SS18L1: variants seen among roughly 807,000 people sequenced by gnomAD.
The protein encoded by SS18L1 is calcium-responsive transactivator.
Under a neutral mutation model 70.3 loss-of-function variants are expected in SS18L1, and 32 were observed. The ratio of observed to expected loss-of-function variants is 0.46; its 90% CI spans 0.34 to 0.61. The LOEUF (loss-of-function observed/expected upper bound fraction) is 0.61. Ranked by LOEUF, SS18L1 falls within the 20% of genes least tolerant of loss-of-function variation. The pLI is 0.01. For missense variants in SS18L1, 430 were observed against 542.1 expected, an observed-to-expected ratio of 0.79 and a Z score of 2.05; for synonymous variants, 237 against 229.7, an observed-to-expected ratio of 1.03 and a Z score of -0.29.
chr20:62,155,893 G>T (rs2057213035), intron 1 of SS18L1, among the ~76,000 whole-genome samples: 1 of 151,944 alleles, frequency 6.6e-6, no homozygotes, highest in Non-Finnish European at 1.5e-5. Context: ...GGCCACACCT[G>T]TTCCATCCTT....
At chr20:62,150,568 C>G (rs2057108521) in intron 1 of SS18L1, among the ~76,000 whole-genome samples, 1 of 146,240 alleles carries the variant, frequency 6.8e-6, no homozygotes, top group Non-Finnish European at 1.5e-5. Flanking sequence ...TCTGTCCAAG[C>G]AGACAGAGTA....
chr20:62,155,711 C>T (rs142440302), intron 1 of SS18L1, among the ~76,000 whole-genome samples: 47 of 152,324 alleles, frequency 3.1e-4, no homozygotes, highest in African/African-American at 1.1e-3. Flanking sequence ...CTGGGCGACC[C>T]TGAAAGGTGC....
chr20:62,150,909 G>A (rs1015482063), intron 1 of SS18L1, among the ~76,000 whole-genome samples: 4 of 152,086 alleles, frequency 2.6e-5, no homozygotes, highest in African/African-American at 9.7e-5. Flanking sequence ...TTCCAGAATC[G>A]GCAGAGCTGG....
At chr20:62,172,515 A>C (rs199870381) in intron 8 of SS18L1, among the ~76,000 whole-genome samples, 167 bp from the exon 9 acceptor site, 1 of 152,192 alleles carries the variant, frequency 6.6e-6, no homozygotes, top group East Asian at 1.9e-4. Context: ...GTATTTCTAT[A>C]AGATAAAGGT....
intron 1 of SS18L1, among the ~76,000 whole-genome samples, chr20:62,146,682 C>G (rs6142715): frequency 0.66 from 96,393 of 146,878 alleles, 35,115 homozygotes; most frequent in Non-Finnish European, 0.81. Flanking sequence ...CGATCTCGGG[C>G]TCACAACCTC....
intron 1 of SS18L1, among the ~76,000 whole-genome samples, chr20:62,147,709 C>T (rs1440234173): frequency 6.6e-6 from 1 of 152,102 alleles, no homozygotes; most frequent in Non-Finnish European, 1.5e-5. Context: ...AGGTGGGCCC[C>T]TGGGGCCGCC....
chr20:62,169,885 G>A (rs1309686830), intron 8 of SS18L1, among the ~76,000 whole-genome samples: 2 of 152,208 alleles, frequency 1.3e-5, no homozygotes, highest in African/African-American at 4.8e-5. Context: ...CGCGGCTGGC[G>A]TGTCGTGTGC....
At chr20:62,166,185 G>A (rs746476459) in intron 8 of SS18L1, among the ~76,000 whole-genome samples, 15 of 152,226 alleles carry the variant, frequency 9.9e-5, no homozygotes, top group Non-Finnish European at 2.1e-4. Flanking sequence ...GATAAAGATG[G>A]CCCCCAGAGA....
intron 1 of SS18L1, among the ~76,000 whole-genome samples, chr20:62,150,179 A>G (rs2057101738): frequency 6.6e-6 from 1 of 152,244 alleles, no homozygotes; most frequent in Admixed American, 6.5e-5. Flanking sequence ...CTCTTCTGAA[A>G]CCTACACACC....
chr20:62,181,316 T>C lies in SS18L1; in HGVS notation c.*2108T>C, dbSNP rs533997270. 61 of 209,588 alleles carry C rather than the reference T, an allele frequency of 2.9e-4. 1 individual carries two copies. The South Asian group carries it at 0.011, about 39-fold the overall frequency. The allele number at this position is 209,588 out of a possible 1,614,324, so 13.0% of individuals were successfully genotyped here. ...GTTAGCAATTTCAGTTAGGGAGTCA[T>C]CTCCCTTGATTGTGTTCTTTTCCTG... On this transcript the variant is annotated 3_prime_UTR_variant, in exon 11 of 11. Transcript: ENST00000331758.
At chr20:62,150,972 A>G (rs915944339) in intron 1 of SS18L1, among the ~76,000 whole-genome samples, 1 of 152,066 alleles carries the variant, frequency 6.6e-6, no homozygotes, top group Non-Finnish European at 1.5e-5. Context: ...AAAGGTTCCA[A>G]AAGTCTTTGT....
chr20:62,179,730 G>GGGGGGGGGGGGGGGGGGGCCCCCCC lies in SS18L1; in HGVS notation c.*522_*523insGGGGGGGGGGGGGGGGGGCCCCCCC. The stretch of plus-strand genomic sequence containing the variant: ...GTGCCTCGATGGGGTGGGTGGGAGG[G>GGGGGGGGGGGGGGGGGGGCCCCCCC]CATCTTCTGTGCGTTGGGTCAGTTT... On this transcript the variant is annotated 3_prime_UTR_variant, in exon 11 of 11. Coordinates refer to ENST00000331758, the MANE Select transcript of SS18L1 (RefSeq NM_198935.3). The GGGGGGGGGGGGGGGGGGGCCCCCCC allele has an allele frequency of 4.1e-5, 4 of 96,716 alleles. No individual in the cohort carries two copies. Among genetic ancestry groups the GGGGGGGGGGGGGGGGGGGCCCCCCC allele is most frequent in the Non-Finnish European group, 8.2e-5 (4 of 48,824 alleles). The allele number at this position is 96,716 out of a possible 1,614,324, so 6.0% of individuals were successfully genotyped here. A position where few individuals can be genotyped will look rare whatever the true frequency, so the allele number is the denominator to read the frequency against.
intron 8 of SS18L1, among the ~76,000 whole-genome samples, 187 bp downstream of exon 8, chr20:62,165,701 G>T (rs910270988): frequency 1.3e-5 from 2 of 152,212 alleles, no homozygotes; most frequent in South Asian, 4.1e-4. Context: ...AGCCCCGCTT[G>T]CCTTATGGGT....
At chr20:62,148,126 G>C (rs2427249) in intron 1 of SS18L1, among the ~76,000 whole-genome samples, 1 of 152,184 alleles carries the variant, frequency 6.6e-6, no homozygotes, top group African/African-American at 2.4e-5. Context: ...GAGCATGGGG[G>C]CCTGTCTTTA....
chr20:62,152,677 G>T (rs567603572), intron 1 of SS18L1, among the ~76,000 whole-genome samples: 1 of 152,302 alleles, frequency 6.6e-6, no homozygotes, highest in African/African-American at 2.4e-5. Context: ...TAGTGTTAGA[G>T]GTACACACCA....
At chr20:62,154,988 T>C (rs1408708302) in intron 1 of SS18L1, among the ~76,000 whole-genome samples, 1 of 152,186 alleles carries the variant, frequency 6.6e-6, no homozygotes, top group East Asian at 1.9e-4. Flanking sequence ...CCTCCAGAGC[T>C]CTTCTGCCCC....
intron 1 of SS18L1, among the ~76,000 whole-genome samples, chr20:62,146,043 T>G (rs1489490738): frequency 2.0e-5 from 3 of 148,624 alleles, no homozygotes; most frequent in Admixed American, 6.6e-5. Flanking sequence ...CTTACAGCAT[T>G]CTGCGTGGTA....
chr20:62,145,081 G>A (rs2056999830), intron 1 of SS18L1, among the ~76,000 whole-genome samples: 1 of 152,250 alleles, frequency 6.6e-6, no homozygotes, highest in Admixed American at 6.5e-5. Context: ...GAGAACCTTG[G>A]CCAACTCTGA....
intron 10 of SS18L1, among the ~76,000 whole-genome samples, chr20:62,177,664 G>T (rs1250336349): frequency 6.6e-6 from 1 of 152,210 alleles, no homozygotes; most frequent in African/African-American, 2.4e-5. Flanking sequence ...TGCTGCCCAA[G>T]GAATTCTGCC....
Sources: gnomAD v4.1 joint callset for allele counts (sites outside exome capture counted in the v4.1 genomes callset) on GRCh38, gnomAD v4.1.1 for gene constraint, MANE v1.5 for transcripts, NCBI Gene and HGNC (gene_info 2026-07-23, HGNC 2026-07-21) for gene names.